The following PTPRD variants were observed in gnomAD, a reference collection of about 807,000 sequenced individuals.
PTPRD encodes receptor-type tyrosine-protein phosphatase delta.
PTPRD carries 34 observed loss-of-function variants against 214.5 expected under a neutral mutation model. The ratio of observed to expected loss-of-function variants is 0.16; its 90% CI spans 0.12 to 0.21. The LOEUF is 0.21. Ranked by LOEUF, PTPRD falls within the 10% of genes least tolerant of loss-of-function variation. The pLI is 1.00. For missense variants in PTPRD, 2,545 were observed against 2,398.7 expected, an observed-to-expected ratio of 1.06 and a Z score of -1.27; for synonymous variants, 1,128 against 845.7, an observed-to-expected ratio of 1.33 and a Z score of -5.79.
rs192614978 is a variant in PTPRD at position 9,068,824 on chromosome 9, A to G, written c.-142-50089T>C. ...ATGGGGTTTCACTATGTTGGCCAGG[A>G]TGGTCTCGATCTCCTGACCTTGTGA... On this transcript the variant is annotated intron_variant, in intron 10 of 45. Transcript: ENST00000381196. Among the ~76,000 whole-genome samples, 10 of 151,936 alleles carry G rather than the reference A, an allele frequency of 6.6e-5. 1 individual carries two copies. Among genetic ancestry groups the G allele is most frequent in the Non-Finnish European group, 1.0e-4 (7 of 67,996 alleles).
At chr9:8,335,510 T>C (rs1283518292) in intron 43 of PTPRD, among the ~76,000 whole-genome samples, 1 of 152,206 alleles carries the variant, frequency 6.6e-6, no homozygotes, top group African/African-American at 2.4e-5. Flanking sequence ...AGAAGAGCTA[T>C]TTATGATAAA....
Position 9,980,510 on chromosome 9 carries a change from A to C in PTPRD, c.-471-41900T>G, listed in dbSNP as rs2095502387. Among the ~76,000 whole-genome samples, 3 of 146,134 alleles carry C rather than the reference A, an allele frequency of 2.1e-5. No individual in the cohort carries two copies. In the Admixed American group the frequency reaches 2.1e-4, roughly 10 times the overall value. ...GTAGTCCCAGCTACTTCGGAGGCTG[A>C]GGTCGGAGAATCGCTTGAACCCGGG... On this transcript the variant is annotated intron_variant, in intron 4 of 45. Transcript: ENST00000381196.
At chr9:10,219,986 A>T (rs966513146) in intron 3 of PTPRD, among the ~76,000 whole-genome samples, 2 of 151,860 alleles carry the variant, frequency 1.3e-5, no homozygotes, top group Non-Finnish European at 2.9e-5. Context: ...TAATAAAATG[A>T]AGAAATTAAA....
intron 14 of PTPRD, among the ~76,000 whole-genome samples, chr9:8,595,172 G>A (rs1157635797): frequency 7.6e-6 from 1 of 131,600 alleles, no homozygotes; most frequent in Admixed American, 7.7e-5. Flanking sequence ...CCCTAAACCT[G>A]TTTTTTTTTT....
In PTPRD at chr9:8,320,109, A is replaced by G. The variant is rs1825858491; in HGVS notation, c.5535-143T>C. ...TTCAGGAAAACATGGTATCACATTC[A>G]TCAAATGATTACTCTTGGGATACTG... On this transcript the variant is annotated intron_variant, in intron 44 of 45. Coordinates refer to ENST00000381196, the MANE Select transcript of PTPRD (RefSeq NM_002839.4). The G allele has an allele frequency of 6.0e-6, 6 of 1,005,694 alleles. No homozygotes were observed. In the East Asian group the frequency reaches 1.4e-4, roughly 23 times the overall value. 62.3% of individuals were successfully genotyped at this position (1,005,694 alleles called of 1,614,324 possible). A position where few individuals can be genotyped will look rare whatever the true frequency, so the allele number is the denominator to read the frequency against.
intron 2 of PTPRD, among the ~76,000 whole-genome samples, chr9:10,551,581 C>T (rs2061372189): frequency 6.6e-6 from 1 of 152,142 alleles, no homozygotes; most frequent in African/African-American, 2.4e-5. Flanking sequence ...GCCCTCTCCA[C>T]ATGCATTAAG....
At chr9:8,842,656 G>C (rs1047378131) in intron 11 of PTPRD, among the ~76,000 whole-genome samples, 1 of 152,142 alleles carries the variant, frequency 6.6e-6, no homozygotes, top group African/African-American at 2.4e-5. Flanking sequence ...CAGGGGTGGA[G>C]TCTGGAAGTC....
intron 4 of PTPRD, among the ~76,000 whole-genome samples, chr9:9,956,649 T>C (rs1223682466): frequency 6.6e-6 from 1 of 152,066 alleles, no homozygotes; most frequent in Admixed American, 6.5e-5. Context: ...ATAATTAAGG[T>C]AGGACATATG....
chr9:10,368,495 T>C (rs2097554325), intron 2 of PTPRD, among the ~76,000 whole-genome samples: 1 of 152,058 alleles, frequency 6.6e-6, no homozygotes, highest in Non-Finnish European at 1.5e-5. Context: ...ATGCAATGGG[T>C]TTTGTTTAAA....
intron 9 of PTPRD, among the ~76,000 whole-genome samples, chr9:9,383,464 T>C (rs1569567867): frequency 6.6e-6 from 1 of 152,096 alleles, no homozygotes; most frequent in African/African-American, 2.4e-5. Flanking sequence ...AATTCTAGAA[T>C]AAGGAGGCCA....
intron 11 of PTPRD, among the ~76,000 whole-genome samples, chr9:8,756,587 T>G (rs2154471913): frequency 6.6e-6 from 1 of 152,218 alleles, no homozygotes; most frequent in African/African-American, 2.4e-5. Flanking sequence ...GAGAGTGGGT[T>G]TTATAAAGCT....
chr9:9,728,639 T>C (rs2098133133), intron 7 of PTPRD, among the ~76,000 whole-genome samples: 1 of 152,140 alleles, frequency 6.6e-6, no homozygotes, highest in Non-Finnish European at 1.5e-5. Context: ...TAGTAAACTT[T>C]GGGCACCACA....
chr9:9,619,750 ATATT>A (rs1050199096), intron 7 of PTPRD, among the ~76,000 whole-genome samples: 1 of 146,132 alleles, frequency 6.8e-6, no homozygotes, highest in Non-Finnish European at 1.5e-5. Flanking sequence ...TATAGATGTA[ATATT>A]TATATATAAT....
chr9:9,779,057 T>C (rs1565195453), intron 5 of PTPRD, among the ~76,000 whole-genome samples: 1 of 91,032 alleles, frequency 1.1e-5, no homozygotes, highest in South Asian at 3.5e-4. Flanking sequence ...CCTACAGCCA[T>C]GTGATCTTTC....
chr9:9,339,186 C>T (rs2045787384), intron 9 of PTPRD, among the ~76,000 whole-genome samples: 2 of 151,950 alleles, frequency 1.3e-5, no homozygotes, highest in African/African-American at 4.8e-5. Context: ...ATGTAAAAAG[C>T]TAGGTGAGAG....
chr9:9,542,851 C>T (rs1344466815), intron 8 of PTPRD, among the ~76,000 whole-genome samples: 2 of 151,656 alleles, frequency 1.3e-5, no homozygotes, highest in African/African-American at 4.8e-5. Flanking sequence ...TTACAAAATT[C>T]TAAGGGTTTT....
intron 2 of PTPRD, among the ~76,000 whole-genome samples, chr9:10,514,873 A>G (rs1275469140): frequency 6.6e-6 from 1 of 152,030 alleles, no homozygotes; most frequent in Non-Finnish European, 1.5e-5. Context: ...GTAGTTCACC[A>G]TTAAAAAGAA....
intron 45 of PTPRD, among the ~76,000 whole-genome samples, 182 bp from the exon 46 acceptor site, chr9:8,318,124 G>T (rs1477885309): frequency 6.6e-6 from 1 of 151,940 alleles, no homozygotes; most frequent in Non-Finnish European, 1.5e-5. Flanking sequence ...AGCCACATGG[G>T]GTGTTGATTA....
At chr9:9,195,385 G>A (rs955219562) in intron 9 of PTPRD, among the ~76,000 whole-genome samples, 12 of 152,046 alleles carry the variant, frequency 7.9e-5, no homozygotes, top group Admixed American at 7.9e-4. Context: ...TTGGGTGATA[G>A]AAACTGTGTT....
Sources: gnomAD v4.1 joint callset for allele counts (sites outside exome capture counted in the v4.1 genomes callset) on GRCh38, gnomAD v4.1.1 for gene constraint, MANE v1.5 for transcripts, NCBI Gene and HGNC (gene_info 2026-07-23, HGNC 2026-07-21) for gene names.